The following ADGB variants were observed in gnomAD, a reference collection of about 807,000 sequenced individuals.
The protein encoded by ADGB is calpain-7-like protein.
In ADGB, 172 loss-of-function variants were observed where a neutral mutation model predicts 210.5. The ratio of observed to expected loss-of-function variants is 0.82; its 90% CI spans 0.72 to 0.93. ADGB has a LOEUF of 0.93. ADGB is among the 40% of genes least tolerant of loss of function. The pLI, the probability that ADGB is intolerant of heterozygous loss-of-function variation, is 0.00. For missense variants in ADGB, 2,025 were observed against 1,964.8 expected, an observed-to-expected ratio of 1.03 and a Z score of -0.58; for synonymous variants, 658 against 662.7, an observed-to-expected ratio of 0.99 and a Z score of 0.11.
intron 2 of ADGB, chr6:146,639,804 G>T (rs1017426500): frequency 9.9e-5 from 15 of 151,946 alleles, no homozygotes; most frequent in Admixed American, 7.9e-4. Context: ...ACACAAATTC[G>T]TGAAGAGGTC....
intron 9 of ADGB, among the ~76,000 whole-genome samples, chr6:146,681,353 CCT>C (rs1239773296): frequency 6.6e-6 from 1 of 152,088 alleles, no homozygotes; most frequent in Non-Finnish European, 1.5e-5. Context: ...GTAAAAGCCC[CCT>C]GAGGCCTCCC....
intron 29 of ADGB, among the ~76,000 whole-genome samples, chr6:146,779,008 G>C (rs2114640810): frequency 6.6e-6 from 1 of 151,528 alleles, no homozygotes; most frequent in South Asian, 2.1e-4. Flanking sequence ...TGTAAGAATA[G>C]GAAACTTTAT....
chr6:146,741,401 A>C (rs1406330084), intron 25 of ADGB, 130 bp downstream of exon 25: 1 of 738,834 alleles, frequency 1.4e-6, no homozygotes, highest in Non-Finnish European at 2.1e-6. Flanking sequence ...CTGATCTTTC[A>C]CTATAGAAGT....
At position 146,701,038 on chromosome 6, in the gene ADGB, G is replaced by A; in HGVS notation, c.1675G>A (p.Asp559Asn). The change falls in exon 13 of 36, where the codon GAC becomes AAC. Residue 559 changes from aspartate (D) to asparagine (N), a missense_variant. Transcript: ENST00000397944. ...TDETATHSQT[D>N]LSQITKATSQ... is the part of the protein sequence containing the mutation. Reference sequence around the variant, plus strand: ...TGAAACTGCAACACATAGCCAGACAGACTTGAGTCAAATAACAAAAGCTAC... The same window carrying A: ...TGAAACTGCAACACATAGCCAGACAAACTTGAGTCAAATAACAAAAGCTAC... 3 of 1,550,846 alleles carry A rather than the reference G, an allele frequency of 1.9e-6. No homozygotes were observed. The highest frequency in any genetic ancestry group is 2.6e-6 in the Non-Finnish European group (3 of 1,146,430).
intron 6 of ADGB, among the ~76,000 whole-genome samples, chr6:146,665,114 G>A (rs980726280): frequency 2.6e-4 from 39 of 152,168 alleles, no homozygotes; most frequent in African/African-American, 8.9e-4. Context: ...CCTGCAGTTT[G>A]TCAAAGATTC....
chr6:146,724,908 T>G (rs897440404), intron 18 of ADGB: 1 of 152,194 alleles, frequency 6.6e-6, no homozygotes, highest in Admixed American at 6.5e-5. Flanking sequence ...TTCAAAATAT[T>G]ACCTCAAATT....
At chr6:146,717,742 A>T in intron 16 of ADGB, 143 bp downstream of exon 16, 1 of 441,652 alleles carries the variant, frequency 2.3e-6, no homozygotes, top group Non-Finnish European at 4.0e-6. Flanking sequence ...GTCTCTCACT[A>T]ATCCTTATCC....
At chr6:146,653,911 T>C (rs1008503780) in intron 3 of ADGB, among the ~76,000 whole-genome samples, 2 of 152,070 alleles carry the variant, frequency 1.3e-5, no homozygotes, top group East Asian at 1.9e-4. Flanking sequence ...GAAATCAGGG[T>C]GGCCTATTTC....
At chr6:146,700,410 TTACTTAAAAAA>T (rs1285514079) in intron 12 of ADGB, among the ~76,000 whole-genome samples, 5 of 152,142 alleles carry the variant, frequency 3.3e-5, no homozygotes, top group Admixed American at 6.6e-5. Context: ...TAAAACACAC[TTACTTAAAAAA>T]TACATATACT....
rs1214411209 is a variant in ADGB at position 146,738,512 on chromosome 6, C to T, written c.2888+1921C>T. Among the ~76,000 whole-genome samples, 4 of 135,508 alleles carry T rather than the reference C, an allele frequency of 3.0e-5. No individual in the cohort carries two copies. The East Asian group carries it at 6.8e-4, about 23-fold the overall frequency. 88.9% of individuals were successfully genotyped at this position (135,508 alleles called of 152,430 possible). A position where few individuals can be genotyped will look rare whatever the true frequency, so the allele number is the denominator to read the frequency against. ...TCACCCAGGCTGGAGTGCAGTGGCA[C>T]GATCTGGGCTCACTGCGAGCTCCAC... On this transcript the variant is annotated intron_variant, in intron 23 of 35. Transcript: ENST00000397944.
chr6:146,676,291 T>C, intron 8 of ADGB, 22 bp from the exon 9 acceptor site: 3 of 1,528,058 alleles, frequency 2.0e-6, no homozygotes, highest in Non-Finnish European at 8.8e-7. Flanking sequence ...AAAATATTTA[T>C]TGTGATTTTT....
chr6:146,771,650 T>G (rs1373500941), intron 29 of ADGB, among the ~76,000 whole-genome samples: 1 of 152,214 alleles, frequency 6.6e-6, no homozygotes, highest in African/African-American at 2.4e-5. Flanking sequence ...AATCATGTGG[T>G]AATTTTGTGT....
At chr6:146,676,508 A>C (rs1240739157) in intron 9 of ADGB, 67 bp downstream of exon 9, 1 of 1,200,294 alleles carries the variant, frequency 8.3e-7, no homozygotes, top group African/African-American at 1.6e-5. Context: ...AAAACCTTGG[A>C]ACATAGAAAT....
At chr6:146,716,308 A>T (rs1776731971) in intron 14 of ADGB, among the ~76,000 whole-genome samples, 2 of 148,138 alleles carry the variant, frequency 1.4e-5, no homozygotes, top group South Asian at 4.1e-4. Flanking sequence ...AGAATCTGTG[A>T]GGGCCGGGCG....
chr6:146,660,662 G>A (rs1278353658), intron 5 of ADGB, among the ~76,000 whole-genome samples: 1 of 152,006 alleles, frequency 6.6e-6, no homozygotes, highest in Non-Finnish European at 1.5e-5. Context: ...ATTTAGGTTA[G>A]GACCAGTGTT....
At chr6:146,796,573 C>G (rs1163234059) in intron 33 of ADGB, among the ~76,000 whole-genome samples, 1 of 152,076 alleles carries the variant, frequency 6.6e-6, no homozygotes, top group Non-Finnish European at 1.5e-5. Flanking sequence ...TTACTTACAG[C>G]CATCTGTTCT....
chr6:146,652,507 A>G (rs1217840189), intron 3 of ADGB, among the ~76,000 whole-genome samples: 1 of 152,166 alleles, frequency 6.6e-6, no homozygotes, highest in South Asian at 2.1e-4. Context: ...CTGATTCTCT[A>G]ATCAAAACTG....
chr6:146,799,395 G>A (rs1302985021), intron 33 of ADGB, among the ~76,000 whole-genome samples: 4 of 151,960 alleles, frequency 2.6e-5, no homozygotes, highest in African/African-American at 4.8e-5. Flanking sequence ...TTAGCTTGGC[G>A]TGGTGGCACG....
chr6:146,808,768 C>A (rs1161038869), intron 35 of ADGB, among the ~76,000 whole-genome samples: 1 of 152,182 alleles, frequency 6.6e-6, no homozygotes, highest in Non-Finnish European at 1.5e-5. Flanking sequence ...TCTCAGCTCA[C>A]TGCAACCTCT....
Sources: gnomAD v4.1 joint callset for allele counts (sites outside exome capture counted in the v4.1 genomes callset) on GRCh38, gnomAD v4.1.1 for gene constraint, MANE v1.5 for transcripts, NCBI Gene and HGNC (gene_info 2026-07-23, HGNC 2026-07-21) for gene names.